The following AMZ1 variants were observed in gnomAD, a reference collection of about 807,000 sequenced individuals.
The protein encoded by AMZ1 is archaelysin family metallopeptidase 1.
A neutral mutation model predicts 29.9 loss-of-function variants in AMZ1; 39 were observed. That is an observed-to-expected ratio of 1.30 (90% CI 1.01 to 1.70). The LOEUF (loss-of-function observed/expected upper bound fraction) is 1.70. Among genes scored for constraint, AMZ1 ranks in the 40% most tolerant of loss-of-function variants. The pLI is 0.00. For missense variants in AMZ1, 1,041 were observed against 680.6 expected, an observed-to-expected ratio of 1.53 and a Z score of -5.89; for synonymous variants, 458 against 304.0, an observed-to-expected ratio of 1.51 and a Z score of -5.27.
At chr7:2,757,955 T>C (rs908914119) in intron 4 of AMZ1, among the ~76,000 whole-genome samples, 15 of 152,204 alleles carry the variant, frequency 9.9e-5, no homozygotes, top group African/African-American at 3.6e-4. Flanking sequence ...AAGGAATGAT[T>C]CTTCCCTCCC....
downstream of AMZ1, among the ~76,000 whole-genome samples, chr7:2,719,940 C>T (rs1789347754): frequency 6.6e-6 from 1 of 152,192 alleles, no homozygotes; most frequent in African/African-American, 2.4e-5. Context: ...CTTGGCCTCC[C>T]AAAGTGCCAG....
At chr7:2,701,862 C>T (rs987617433) in intron 2 of AMZ1, among the ~76,000 whole-genome samples, 4 of 152,216 alleles carry the variant, frequency 2.6e-5, no homozygotes, top group Admixed American at 1.3e-4. Context: ...TCAGCATCCA[C>T]CACCCCACAG....
At chr7:2,708,774 T>G in intron 4 of AMZ1, 58 bp downstream of exon 4, 4 of 1,607,198 alleles carry the variant, frequency 2.5e-6, no homozygotes, top group South Asian at 1.1e-5. Flanking sequence ...GGCTGTGGCC[T>G]CCGTGGCTGC....
chr7:2,722,396 C>T (rs1292532348), downstream of AMZ1, among the ~76,000 whole-genome samples: 1 of 152,082 alleles, frequency 6.6e-6, no homozygotes, highest in Non-Finnish European at 1.5e-5. Flanking sequence ...CCTCAGCCTC[C>T]CAAGTAGCCG....
chr7:2,726,406 C>T (rs1039336544), intron 4 of AMZ1, among the ~76,000 whole-genome samples: 2 of 152,170 alleles, frequency 1.3e-5, no homozygotes, highest in African/African-American at 2.4e-5. Context: ...ACATCAGAAC[C>T]GCCTGGGACA....
chr7:2,712,410 C>G lies in AMZ1; in HGVS notation c.1029C>G (p.Thr343=), dbSNP rs202044040. The part of the protein sequence containing the change: ...EAGEPSVWED[T]PPASADSGMC... ...GGGAGCCGTCAGTGTGGGAGGACACCCCGCCTGCCAGCGCCGACTCGGGCA... is the reference window on the plus strand; with the variant it reads ...GGGAGCCGTCAGTGTGGGAGGACACGCCGCCTGCCAGCGCCGACTCGGGCA... Residue 343 remains threonine, a synonymous_variant, in exon 7 of 7, where the codon ACC becomes ACG. Coordinates refer to ENST00000683327, the MANE Select transcript of AMZ1 (RefSeq NM_001384743.1). 2.5e-6 allele frequency: 4 copies of G among 1,611,484 alleles called. No homozygotes were observed. The highest frequency in any genetic ancestry group is 4.5e-5 in the East Asian group (2 of 44,866).
chr7:2,761,673 T>C (rs954064228), upstream of AMZ1, among the ~76,000 whole-genome samples: 8 of 152,184 alleles, frequency 5.3e-5, no homozygotes, highest in Admixed American at 3.3e-4. Context: ...ATTTACAATT[T>C]GCAGCTATTG....
intron 4 of AMZ1, chr7:2,730,689 T>C (rs1396624287): frequency 6.5e-6 from 1 of 153,982 alleles, no homozygotes; most frequent in Admixed American, 6.4e-5. Flanking sequence ...TTTAGCAGCA[T>C]CGGCGTGCAC....
Position 2,704,432 on chromosome 7 carries a change from C to G in AMZ1, c.472+1543C>G, listed in dbSNP as rs556959029. 1.6e-3 allele frequency among the ~76,000 whole-genome samples: 246 copies of G among 152,010 alleles called. 1 individual carries two copies. The highest frequency in any genetic ancestry group is 7.8e-4 in the Non-Finnish European group (53 of 67,994). On this transcript the variant is annotated intron_variant, in intron 3 of 6. Coordinates refer to ENST00000683327, the MANE Select transcript of AMZ1 (RefSeq NM_001384743.1). The stretch of plus-strand genomic sequence containing the variant: ...GTTTGAAACTGCAGTGAGCTGTGAT[C>G]GTGCTACTGTATTCCCCTCTATCCT...
At chr7:2,765,059 G>C (rs1200408283) in intron 1 of AMZ1, 2 of 152,060 alleles carry the variant, frequency 1.3e-5, no homozygotes, top group African/African-American at 2.4e-5. Flanking sequence ...TCTGAATCCA[G>C]GGAATCCCAA....
rs369485204 is a variant in AMZ1 at position 2,731,154 on chromosome 7, C to T, written n.550+21338C>T. 64 of 1,537,674 alleles carry T rather than the reference C, an allele frequency of 4.2e-5. No homozygotes were observed. The highest frequency in any genetic ancestry group is 3.4e-4 in the Middle Eastern group (2 of 5,816). On this transcript the variant is annotated intron_variant and non_coding_transcript_variant, in intron 4 of 4. Transcript: ENST00000489665. This position sits in a 1 kb window ranked among gnomAD's most constrained non-coding sequence, Gnocchi z 6.0. ...ACCGACAGCCGTGGGGGCTGCTCAA[C>T]GACGACAAACCCCGGGGCTTCCTCG...
intron 4 of AMZ1, among the ~76,000 whole-genome samples, chr7:2,738,497 G>A (rs925079911): frequency 3.9e-5 from 6 of 152,272 alleles, no homozygotes; most frequent in African/African-American, 7.2e-5. Context: ...CACAAGGCAC[G>A]AAACAACGCA....
chr7:2,716,551 G>C lies in AMZ1; in HGVS notation c.*3673G>C, dbSNP rs1228632202. 6.6e-6 allele frequency: 1 copy of C among 152,270 alleles called. No individual in the cohort carries two copies. Among genetic ancestry groups the C allele is most frequent in the Non-Finnish European group, 1.5e-5 (1 of 68,070 alleles). 9.4% of individuals were successfully genotyped at this position (152,270 alleles called of 1,614,324 possible). A position where few individuals can be genotyped will look rare whatever the true frequency, so the allele number is the denominator to read the frequency against. On this transcript the variant is annotated 3_prime_UTR_variant, in exon 7 of 7. Coordinates refer to ENST00000683327, the MANE Select transcript of AMZ1 (RefSeq NM_001384743.1). ...TCAAGCACGAGTGATAAAGCTGGGA[G>C]TCCAAATTTAGATCCCACCAAGTTC...
chr7:2,760,097 G>A (rs1481592570), upstream of AMZ1, among the ~76,000 whole-genome samples: 1 of 152,266 alleles, frequency 6.6e-6, no homozygotes, highest in African/African-American at 2.4e-5. Context: ...CAAGGCCTCT[G>A]TTGGCAATGT....
chr7:2,719,854 T>C (rs111260714), downstream of AMZ1, among the ~76,000 whole-genome samples: 760 of 152,224 alleles, frequency 5.0e-3, 6 homozygotes, highest in African/African-American at 0.017. Flanking sequence ...GGCTAATTTT[T>C]GTATTTTTAG....
intron 1 of AMZ1, among the ~76,000 whole-genome samples, chr7:2,691,663 G>A (rs547851622): frequency 2.8e-5 from 4 of 143,824 alleles, no homozygotes; most frequent in Non-Finnish European, 4.4e-5. Context: ...CCCAGGAGGC[G>A]GAGGTTGCAG....
At chr7:2,696,423 A>AT (rs371381254) in intron 1 of AMZ1, among the ~76,000 whole-genome samples, 2,838 of 150,592 alleles carry the variant, frequency 0.019, 70 homozygotes, top group African/African-American at 0.063. Flanking sequence ...CGCCTGGCTA[A>AT]TTTTTTTGTA....
chr7:2,709,285 G>A, intron 5 of AMZ1, 41 bp downstream of exon 5: 1 of 1,471,358 alleles, frequency 6.8e-7, no homozygotes, highest in Non-Finnish European at 9.0e-7. Context: ...GGACAGGAGG[G>A]TGCTGTCTGA....
chr7:2,709,774 G>A lies in AMZ1; in HGVS notation c.906G>A (p.Lys302=). 2 of 1,612,092 alleles carry A rather than the reference G, an allele frequency of 1.2e-6. No homozygotes were observed. Among genetic ancestry groups the A allele is most frequent in the South Asian group, 2.2e-5 (2 of 91,036 alleles). Residue 302 remains lysine (K), a synonymous_variant, in exon 6 of 7, where the codon AAG becomes AAA. Coordinates refer to ENST00000683327, the MANE Select transcript of AMZ1 (RefSeq NM_001384743.1). ...ACCTCTGTCCCATCTGCCTGAGGAA[G>A]CTGCAGCATGTCCTGGGTTTCAGGC... ...PLDLCPICLR[K]LQHVLGFRLI...
Sources: gnomAD v4.1 joint callset for allele counts (sites outside exome capture counted in the v4.1 genomes callset) on GRCh38, gnomAD v4.1.1 for gene constraint, Gnocchi (gnomAD v3.1) non-coding constraint, MANE v1.5 for transcripts, NCBI Gene and HGNC (gene_info 2026-07-23, HGNC 2026-07-21) for gene names.